Variants in ZNF469 observed in about 807,000 individuals in gnomAD.
ZNF469 encodes zinc finger protein 469.
Under a neutral mutation model 1.0 loss-of-function variants are expected in ZNF469, and 1 was observed. The observed-to-expected ratio is 1.00, with a 90% confidence interval of 0.35 to 4.73. The LOEUF is 4.73. Among genes scored for constraint, ZNF469 ranks in the 30% most tolerant of loss-of-function variants. ZNF469 has a pLI of 0.16. For synonymous variants in ZNF469, 2,703 were observed against 2,363.4 expected, an observed-to-expected ratio of 1.14 and a Z score of -4.17; for missense variants, 6,100 against 5,356.3, an observed-to-expected ratio of 1.14 and a Z score of -4.33.
the ZNF469 span, among the ~76,000 whole-genome samples, chr16:88,301,892 G>C: frequency 6.6e-6 from 1 of 152,212 alleles, no homozygotes; most frequent in Non-Finnish European, 1.5e-5. Context: ...CAGGGTGACA[G>C]TCCTGATGAC....
the ZNF469 span, among the ~76,000 whole-genome samples, chr16:88,322,960 G>A: frequency 6.6e-6 from 1 of 152,212 alleles, no homozygotes; most frequent in Non-Finnish European, 1.5e-5. Flanking sequence ...TCTCTCCCAA[G>A]ATTGGAGAAC....
chr16:88,433,744 C>A lies in ZNF469; in HGVS notation c.6274C>A (p.Leu2092Met), dbSNP rs908869054. The change falls in exon 3 of 3, where the codon CTG becomes ATG. Residue 2092 changes from leucine to methionine, a missense_variant. Coordinates refer to ENST00000565624, the MANE Select transcript of ZNF469 (RefSeq NM_001367624.2). The stretch of plus-strand genomic sequence containing the variant: ...TCCAGAGAGGGCGTCCAGCCCCGGC[C>A]TGAACAAGCCACTGCTGGCCACAGG... Reference protein sequence around the residue: ...RTPERASSPGLNKPLLATGDS... With the variant: ...RTPERASSPGMNKPLLATGDS... The A allele has an allele frequency of 1.3e-6, 2 of 1,548,920 alleles. No homozygotes were observed. The highest frequency in any genetic ancestry group is 1.7e-6 in the Non-Finnish European group (2 of 1,146,858).
chr16:88,292,480 G>A, the ZNF469 span, among the ~76,000 whole-genome samples: 1 of 152,126 alleles, frequency 6.6e-6, no homozygotes, highest in Non-Finnish European at 1.5e-5. Context: ...AGTGGGGTCC[G>A]GGGACCAACA....
the ZNF469 span, among the ~76,000 whole-genome samples, chr16:88,292,856 G>A: frequency 6.7e-6 from 1 of 150,120 alleles, no homozygotes; most frequent in Non-Finnish European, 1.5e-5. Flanking sequence ...AGCTCACCAG[G>A]AACTTTAAAT....
chr16:88,381,065 C>G (rs1398262205), upstream of ZNF469, among the ~76,000 whole-genome samples: 1 of 150,176 alleles, frequency 6.7e-6, no homozygotes, highest in Non-Finnish European at 1.5e-5. Context: ...CGCTCTCACA[C>G]ACAGGCATGC....
At chr16:88,143,054 A>G in the ZNF469 span, among the ~76,000 whole-genome samples, 1 of 152,066 alleles carries the variant, frequency 6.6e-6, no homozygotes, top group East Asian at 1.9e-4. Flanking sequence ...GGATGGGAGG[A>G]GACAGGCTGA....
chr16:88,398,386 A>T (rs1046728942), intron 1 of ZNF469, among the ~76,000 whole-genome samples: 1 of 123,294 alleles, frequency 8.1e-6, no homozygotes, highest in Non-Finnish European at 1.8e-5. Context: ...TGAGCCACGG[A>T]TGAAGGGACA....
In ZNF469 at chr16:88,430,522, C is replaced by A; in HGVS notation, c.3052C>A (p.Leu1018Ile). 1 of 1,439,610 alleles carries A rather than the reference C, an allele frequency of 6.9e-7. No homozygotes were observed. The highest frequency in any genetic ancestry group is 1.4e-5 in the South Asian group (1 of 70,590). The allele number at this position is 1,439,610 out of a possible 1,614,324, so 89.2% of individuals were successfully genotyped here. Residue 1018 changes from leucine to isoleucine, a missense_variant, in exon 3 of 3, where the codon CTC becomes ATC. Transcript: ENST00000565624. ...GCCCCGGGTCCCGAGAGCCGCCGCC[C>A]TCCCCGAGGAGACCCGCAGCTCCCG... ...PAPRVPRAAALPEETRSSRRR... is the reference protein window; with the variant it reads ...PAPRVPRAAAIPEETRSSRRR...
chr16:88,414,806 G>A (rs1265133223), intron 1 of ZNF469, among the ~76,000 whole-genome samples: 2 of 152,360 alleles, frequency 1.3e-5, no homozygotes, highest in Non-Finnish European at 2.9e-5. Context: ...AGAGGTCCAC[G>A]CAGGACAGCC....
At chr16:88,389,953 C>T (rs886395029) in intron 1 of ZNF469, among the ~76,000 whole-genome samples, 6 of 152,184 alleles carry the variant, frequency 3.9e-5, no homozygotes, top group African/African-American at 1.2e-4. Context: ...CTGGTGAAGC[C>T]GCGAGTGAGG....
At chr16:88,168,931 T>C in the ZNF469 span, among the ~76,000 whole-genome samples, 158 of 151,082 alleles carry the variant, frequency 1.0e-3, no homozygotes, top group African/African-American at 3.7e-3. The surrounding 1 kb of genome is among the most constrained non-coding windows in gnomAD (Gnocchi z 4.3). Context: ...CCCCCCCCTC[T>C]ACAAAAAATA....
chr16:88,380,180 C>A (rs572450435), upstream of ZNF469, among the ~76,000 whole-genome samples: 2 of 141,274 alleles, frequency 1.4e-5, no homozygotes, highest in Non-Finnish European at 3.1e-5. Context: ...CACTCACACA[C>A]AAATGCACTC....
At chr16:88,291,917 A>T in the ZNF469 span, among the ~76,000 whole-genome samples, 1 of 151,944 alleles carries the variant, frequency 6.6e-6, no homozygotes, top group South Asian at 2.1e-4. Flanking sequence ...TCCTTCTAAG[A>T]AGGCAGGGCC....
chr16:88,320,229 G>A, the ZNF469 span, among the ~76,000 whole-genome samples: 308 of 152,316 alleles, frequency 2.0e-3, 2 homozygotes, highest in African/African-American at 6.9e-3. Context: ...AGGGAGACTC[G>A]GGGTTTTAAA....
chr16:88,306,892 G>GTT, the ZNF469 span, among the ~76,000 whole-genome samples: 1 of 152,192 alleles, frequency 6.6e-6, no homozygotes, highest in East Asian at 1.9e-4. Flanking sequence ...TTAATTCAGT[G>GTT]TTTTTTTGTG....
the ZNF469 span, among the ~76,000 whole-genome samples, chr16:88,326,340 T>C: frequency 0.38 from 57,669 of 152,140 alleles, 11,350 homozygotes; most frequent in Middle Eastern, 0.48. Context: ...TGCTCCTCCT[T>C]ACCTTCTGCC....
chr16:88,305,675 C>CAT, the ZNF469 span, among the ~76,000 whole-genome samples: 1 of 152,216 alleles, frequency 6.6e-6, no homozygotes, highest in African/African-American at 2.4e-5. Flanking sequence ...CATACACACA[C>CAT]ATGCTCACAT....
the ZNF469 span, among the ~76,000 whole-genome samples, chr16:88,327,560 G>C: frequency 1.3e-5 from 2 of 152,104 alleles, no homozygotes; most frequent in South Asian, 2.1e-4. Context: ...GGTTGGGGGG[G>C]GGTCTGTGCT....
At chr16:88,243,159 G>T in the ZNF469 span, among the ~76,000 whole-genome samples, 2 of 152,198 alleles carry the variant, frequency 1.3e-5, no homozygotes, top group Non-Finnish European at 2.9e-5. Flanking sequence ...AATTGTCCTT[G>T]GCTGGTGGCC....
Sources: gnomAD v4.1 joint callset for allele counts (sites outside exome capture counted in the v4.1 genomes callset) on GRCh38, gnomAD v4.1.1 for gene constraint, Gnocchi (gnomAD v3.1) non-coding constraint, MANE v1.5 for transcripts, NCBI Gene and HGNC (gene_info 2026-07-23, HGNC 2026-07-21) for gene names.